LGSN: variants seen among roughly 807,000 people sequenced by gnomAD.
LGSN encodes lengsin.
Under a neutral mutation model 19.5 loss-of-function variants are expected in LGSN, and 21 were observed. The ratio of observed to expected loss-of-function variants is 1.07; its 90% CI spans 0.76 to 1.55. The LOEUF is 1.55. Ranked by LOEUF, LGSN falls within the 40% of genes most tolerant of loss-of-function variation. The pLI, the probability that LGSN is intolerant of heterozygous loss-of-function variation, is 0.00. For synonymous variants in LGSN, 257 were observed against 215.6 expected (o/e 1.19, Z -1.68); for missense variants, 673 against 608.5 (o/e 1.11, Z -1.12).
At chr6:63,488,775 G>A in the LGSN span, among the ~76,000 whole-genome samples, 8 of 151,514 alleles carry the variant, frequency 5.3e-5, no homozygotes, top group Middle Eastern at 6.3e-3. Context: ...CCGAGATCAC[G>A]CCACTGCACT....
the LGSN span, among the ~76,000 whole-genome samples, chr6:63,365,911 A>G: frequency 1.3e-5 from 2 of 152,258 alleles, no homozygotes; most frequent in Non-Finnish European, 2.9e-5. Context: ...AAAACTCTCA[A>G]TAAACTAAGT....
chr6:63,520,772 CAG>C, the LGSN span, among the ~76,000 whole-genome samples: 1 of 151,994 alleles, frequency 6.6e-6, no homozygotes, highest in African/African-American at 2.4e-5. Flanking sequence ...TGATTAGTGT[CAG>C]AGTTACTGTT....
At chr6:63,509,556 T>C in the LGSN span, among the ~76,000 whole-genome samples, 1 of 152,170 alleles carries the variant, frequency 6.6e-6, no homozygotes, top group African/African-American at 2.4e-5. Context: ...AGTTTTTGTA[T>C]TATTTTATAT....
chr6:63,352,636 G>GTCTC, the LGSN span, among the ~76,000 whole-genome samples: 4 of 148,376 alleles, frequency 2.7e-5, no homozygotes, highest in African/African-American at 9.9e-5. Flanking sequence ...ACTCCAGTCT[G>GTCTC]TCTCTCTCTC....
the LGSN span, among the ~76,000 whole-genome samples, chr6:63,511,074 G>A: frequency 6.6e-6 from 1 of 152,008 alleles, no homozygotes; most frequent in Non-Finnish European, 1.5e-5. Flanking sequence ...TATGCTCATG[G>A]CACCTATTAC....
upstream of LGSN, among the ~76,000 whole-genome samples, chr6:63,322,980 G>GA (rs1769121008): frequency 6.6e-6 from 1 of 152,146 alleles, no homozygotes; most frequent in East Asian, 1.9e-4. Flanking sequence ...GTAACTCCCT[G>GA]AAAAAAATTA....
the LGSN span, chr6:63,441,185 G>A: frequency 1.5e-4 from 35 of 235,890 alleles, 1 homozygote; most frequent in South Asian, 2.0e-3. Context: ...TCCAGCCTGG[G>A]CAACAAGAGT....
At chr6:63,505,573 GAAAGAA>G in the LGSN span, among the ~76,000 whole-genome samples, 2 of 62,818 alleles carry the variant, frequency 3.2e-5, no homozygotes, top group Non-Finnish European at 7.5e-5. Context: ...AAAAAAGAAA[GAAAGAA>G]AGAAAGAAAG....
the LGSN span, among the ~76,000 whole-genome samples, chr6:63,335,281 G>T: frequency 2.6e-5 from 4 of 151,614 alleles, no homozygotes; most frequent in African/African-American, 7.3e-5. Flanking sequence ...TTCAGAATAG[G>T]TAAAAGACTT....
At chr6:63,501,927 C>T in the LGSN span, among the ~76,000 whole-genome samples, 121 of 152,308 alleles carry the variant, frequency 7.9e-4, no homozygotes, top group East Asian at 7.5e-3. Flanking sequence ...TCCCAAGTCA[C>T]TGGGACTATA....
intron 1 of LGSN, among the ~76,000 whole-genome samples, chr6:63,311,014 C>CA (rs1217206700): frequency 6.6e-6 from 1 of 152,148 alleles, no homozygotes; most frequent in Non-Finnish European, 1.5e-5. Context: ...TTGAGCATCT[C>CA]AAAAAACACA....
the LGSN span, among the ~76,000 whole-genome samples, chr6:63,352,567 G>A: frequency 2.7e-4 from 41 of 152,002 alleles, no homozygotes; most frequent in African/African-American, 8.7e-4. Context: ...AGGCTGAGGC[G>A]GGAAGATTGC....
chr6:63,363,382 C>T, the LGSN span, among the ~76,000 whole-genome samples: 33 of 152,150 alleles, frequency 2.2e-4, no homozygotes, highest in Middle Eastern at 3.4e-3. Flanking sequence ...TTCAGACGAT[C>T]GATAATAACA....
the LGSN span, chr6:63,572,538 C>T: frequency 1.5e-5 from 6 of 396,364 alleles, no homozygotes; most frequent in East Asian, 1.1e-4. Flanking sequence ...GCGCTCTGCT[C>T]CGAGCCGCTC....
chr6:63,497,159 T>G, the LGSN span, among the ~76,000 whole-genome samples: 1 of 151,984 alleles, frequency 6.6e-6, no homozygotes, highest in East Asian at 1.9e-4. Context: ...ACATTTTTTG[T>G]CGAGATGGGG....
At chr6:63,331,924 A>G in the LGSN span, among the ~76,000 whole-genome samples, 5 of 152,146 alleles carry the variant, frequency 3.3e-5, no homozygotes, top group East Asian at 9.7e-4. Context: ...TAGTATTGGG[A>G]TTTTACCCCT....
At chr6:63,312,956 T>TA (rs1324701256) in intron 1 of LGSN, among the ~76,000 whole-genome samples, 1 of 152,098 alleles carries the variant, frequency 6.6e-6, no homozygotes, top group Non-Finnish European at 1.5e-5. Flanking sequence ...ATATGGAATC[T>TA]AAGGTGATTG....
At chr6:63,475,712 C>A in the LGSN span, among the ~76,000 whole-genome samples, 1 of 152,072 alleles carries the variant, frequency 6.6e-6, no homozygotes, top group Non-Finnish European at 1.5e-5. Flanking sequence ...AGTTAACAAC[C>A]CCAAGCACTA....
chr6:63,364,115 T>A, the LGSN span, among the ~76,000 whole-genome samples: 2 of 152,142 alleles, frequency 1.3e-5, no homozygotes. Context: ...AATGCTCTAA[T>A]TAAAAGACAC....
Sources: allele counts gnomAD v4.1 joint callset (sites outside exome capture counted in the v4.1 genomes callset), GRCh38; gene constraint gnomAD v4.1.1; transcripts MANE v1.5; gene names NCBI Gene and HGNC (gene_info 2026-07-23, HGNC 2026-07-21).